Variants in BCAR3 observed in about 807,000 individuals in gnomAD.
The protein encoded by BCAR3 is BCAR3 adaptor protein, NSP family member.
Under a neutral mutation model 80.1 loss-of-function variants are expected in BCAR3, and 37 were observed. The ratio of observed to expected loss-of-function variants is 0.46; its 90% CI spans 0.36 to 0.61. The LOEUF is 0.61. Among genes scored for constraint, BCAR3 ranks in the 20% least tolerant of loss-of-function variants. The pLI is 0.00. For missense variants in BCAR3, 978 were observed against 1,068.2 expected, an observed-to-expected ratio of 0.92 and a Z score of 1.18; for synonymous variants, 389 against 418.9, an observed-to-expected ratio of 0.93 and a Z score of 0.87.
chr1:93,577,575 C>A (rs1673507639), intron 7 of BCAR3, among the ~76,000 whole-genome samples: 1 of 152,200 alleles, frequency 6.6e-6, no homozygotes, highest in African/African-American at 2.4e-5. Flanking sequence ...AACTTTAGAA[C>A]CCCTAAAAGC....
Position 93,675,925 on chromosome 1 carries a change from CAAAAAAAAAAAA to C in BCAR3, c.-11-996_-11-985del, listed in dbSNP as rs58706715. The stretch of plus-strand genomic sequence containing the variant: ...CACACAGAGGAAAAGAAATAGGAGA[CAAAAAAAAAAAA>C]AAAAAAAAAAAAAGGCTGGCCCCTG... On this transcript the variant is annotated intron_variant, in intron 1 of 11. Coordinates refer to ENST00000260502, the MANE Select transcript of BCAR3 (RefSeq NM_003567.4). 8.4e-3 allele frequency among the ~76,000 whole-genome samples: 431 copies of C among 51,476 alleles called. 11 individuals carry two copies. The highest frequency in any genetic ancestry group is 0.02 in the African/African-American group (390 of 19,076). The allele number at this position is 51,476 out of a possible 152,430, so 33.8% of individuals were successfully genotyped here. A position where few individuals can be genotyped will look rare whatever the true frequency, so the allele number is the denominator to read the frequency against.
At chr1:93,816,260 T>C (rs774407824) in intron 2 of BCAR3, among the ~76,000 whole-genome samples, 16 of 152,182 alleles carry the variant, frequency 1.1e-4, no homozygotes, top group Non-Finnish European at 2.4e-4. Context: ...GCTCAGGAAT[T>C]GACAGGAGAA....
At chr1:93,836,004 A>C (rs1232972585) in intron 2 of BCAR3, among the ~76,000 whole-genome samples, 2 of 152,166 alleles carry the variant, frequency 1.3e-5, no homozygotes, top group African/African-American at 4.8e-5. Context: ...ATTCAGCAGA[A>C]CCTTCATACC....
At chr1:93,730,507 G>T (rs1650747857) in intron 2 of BCAR3, among the ~76,000 whole-genome samples, 1 of 152,160 alleles carries the variant, frequency 6.6e-6, no homozygotes, top group Non-Finnish European at 1.5e-5. Context: ...AAACATTTTT[G>T]AATGACTCTG....
intron 2 of BCAR3, among the ~76,000 whole-genome samples, chr1:93,710,700 C>A (rs1360847353): frequency 6.6e-6 from 1 of 152,214 alleles, no homozygotes; most frequent in Non-Finnish European, 1.5e-5. Context: ...ATGCCATTCC[C>A]TCTGTCTGGA....
intron 2 of BCAR3, among the ~76,000 whole-genome samples, chr1:93,824,474 C>T (rs1485826617): frequency 1.5e-5 from 2 of 132,848 alleles, no homozygotes; most frequent in African/African-American, 2.5e-5. Context: ...CTTCTCCGTC[C>T]GAGAGGGCTA....
intron 3 of BCAR3, among the ~76,000 whole-genome samples, chr1:93,617,265 G>A (rs1423964067): frequency 6.6e-6 from 1 of 152,216 alleles, no homozygotes; most frequent in East Asian, 1.9e-4. Flanking sequence ...TCCCAGTGAG[G>A]TAGGCCCTCT....
chr1:93,631,118 T>G (rs1329736598), intron 3 of BCAR3, among the ~76,000 whole-genome samples: 1 of 152,214 alleles, frequency 6.6e-6, no homozygotes, highest in Non-Finnish European at 1.5e-5. Flanking sequence ...GGAGCCTGCC[T>G]TGCCTCTTCC....
At chr1:93,815,148 G>A (rs1225284524) in intron 2 of BCAR3, among the ~76,000 whole-genome samples, 1 of 152,206 alleles carries the variant, frequency 6.6e-6, no homozygotes, top group Non-Finnish European at 1.5e-5. Flanking sequence ...TCCCTGGGCT[G>A]TCTGAGCAGG....
Position 93,830,734 on chromosome 1 carries a change from G to A in BCAR3, c.-63+14833C>T, listed in dbSNP as rs141965213. ...AGCCTGTTTGGTGGTCTCTTCACACGGACGTGCGTCACATTTGGTGCCAAA... is the reference window on the plus strand; with the variant it reads ...AGCCTGTTTGGTGGTCTCTTCACACAGACGTGCGTCACATTTGGTGCCAAA... On this transcript the variant is annotated intron_variant, in intron 2 of 13. Transcript: ENST00000370244. Among the ~76,000 whole-genome samples the A allele has an allele frequency of 6.2e-3, 946 of 152,192 alleles. 2 individuals are homozygous for A. The highest frequency in any genetic ancestry group is 9.4e-3 in the Non-Finnish European group (637 of 68,018).
intron 2 of BCAR3, among the ~76,000 whole-genome samples, chr1:93,643,564 A>AG (rs1234596411): frequency 6.6e-6 from 1 of 150,478 alleles, no homozygotes; most frequent in Non-Finnish European, 1.5e-5. Flanking sequence ...AAAAAAAAAA[A>AG]AAAAAAAAAA....
rs377082751 is a variant in BCAR3, at chr1:93,724,066, G to C, written c.-62-17924C>G. On this transcript the variant is annotated intron_variant, in intron 2 of 13. Coordinates refer to the BCAR3 transcript ENST00000370244. Reference sequence around the variant, plus strand: ...GGCCAGTAGGAGCTTTTGATGAACAGGTTGGGGGGCAACAAAGTGATTAAG... The same window carrying C: ...GGCCAGTAGGAGCTTTTGATGAACACGTTGGGGGGCAACAAAGTGATTAAG... Among the ~76,000 whole-genome samples the C allele has an allele frequency of 5.3e-5, 8 of 152,296 alleles. No homozygotes were observed. The South Asian group carries it at 1.5e-3, about 28-fold the overall frequency.
intron 2 of BCAR3, among the ~76,000 whole-genome samples, chr1:93,661,516 T>G (rs527266571): frequency 1.1e-3 from 169 of 151,368 alleles, no homozygotes; most frequent in Non-Finnish European, 1.2e-3. Context: ...AGACGAAGTT[T>G]CGCTCTGTTG....
chr1:93,740,582 T>C (rs1480605044), intron 2 of BCAR3, among the ~76,000 whole-genome samples: 1 of 152,122 alleles, frequency 6.6e-6, no homozygotes, highest in Admixed American at 6.5e-5. Flanking sequence ...CAACATTCTT[T>C]CCTTCTTTTG....
chr1:93,602,120 T>C (rs1445841365), intron 3 of BCAR3: 1 of 148,378 alleles, frequency 6.7e-6, no homozygotes, highest in Admixed American at 6.7e-5. Flanking sequence ...TTCTTTTTCA[T>C]TTTTTTTTTT....
rs1047014419 is a variant in BCAR3, at chr1:93,592,115, G to A, written c.486+150C>T. ...CTCTTCCCAAGGTCTTCTTAGAGAA[G>A]GGTCTAAATGAAGTCATTTTTAGAG... On this transcript the variant is annotated intron_variant, in intron 4 of 11. Coordinates refer to ENST00000260502, the MANE Select transcript of BCAR3 (RefSeq NM_003567.4). This position sits in a 1 kb window ranked among gnomAD's most constrained non-coding sequence, Gnocchi z 4.8. 66 of 1,095,032 alleles carry A rather than the reference G, an allele frequency of 6.0e-5. No homozygotes were observed. The highest frequency in any genetic ancestry group is 8.2e-5 in the Non-Finnish European group (65 of 788,246). 67.8% of individuals were successfully genotyped at this position (1,095,032 alleles called of 1,614,324 possible).
intron 2 of BCAR3, among the ~76,000 whole-genome samples, chr1:93,663,934 G>A (rs1647777709): frequency 6.6e-6 from 1 of 152,092 alleles, no homozygotes; most frequent in Non-Finnish European, 1.5e-5. Context: ...CCTGAACTGT[G>A]TTTCTCTTTT....
chr1:93,649,436 G>C (rs1034927228), intron 2 of BCAR3, among the ~76,000 whole-genome samples: 2 of 152,120 alleles, frequency 1.3e-5, no homozygotes, highest in African/African-American at 4.8e-5. Context: ...TTTCCCAAGA[G>C]CTTGAGGTTT....
intron 2 of BCAR3, among the ~76,000 whole-genome samples, chr1:93,780,965 T>A (rs60122587): frequency 6.6e-6 from 1 of 152,208 alleles, no homozygotes; most frequent in East Asian, 1.9e-4. Flanking sequence ...CCCAGTGCCC[T>A]GGGTCAAGTG....
Sources: allele counts gnomAD v4.1 joint callset (sites outside exome capture counted in the v4.1 genomes callset), GRCh38; gene constraint gnomAD v4.1.1; non-coding constraint Gnocchi (gnomAD v3.1); transcripts MANE v1.5; gene names NCBI Gene and HGNC (gene_info 2026-07-23, HGNC 2026-07-21).